CTNNA1: variants seen among roughly 807,000 people sequenced by gnomAD.
CTNNA1 encodes the protein catenin alpha-1.
CTNNA1 carries 37 observed loss-of-function variants against 98.4 expected under a neutral mutation model. That is an observed-to-expected ratio of 0.38 (90% confidence interval 0.29 to 0.49). The LOEUF is 0.49. Among genes scored for constraint, CTNNA1 ranks in the 20% least tolerant of loss-of-function variants. The probability of loss-of-function intolerance (pLI) is 0.95; values close to 1 mark genes in which losing one functional copy is unlikely to be tolerated. For synonymous variants in CTNNA1, 404 were observed against 413.2 expected (o/e 0.98, Z 0.27); for missense variants, 761 against 1,147.2 (o/e 0.66, Z 4.86).
chr5:138,886,640 T>A (rs1322353298), intron 8 of CTNNA1, among the ~76,000 whole-genome samples: 1 of 152,144 alleles, frequency 6.6e-6, no homozygotes, highest in African/African-American at 2.4e-5. Flanking sequence ...AAATTTCAGT[T>A]GTTTATCTGA....
chr5:138,788,770 T>C (rs551612889), intron 3 of CTNNA1, among the ~76,000 whole-genome samples: 1 of 152,132 alleles, frequency 6.6e-6, no homozygotes, highest in Non-Finnish European at 1.5e-5. Flanking sequence ...AGGAGAGATA[T>C]TATGAACAGA....
rs1220906341 is a variant in CTNNA1, at chr5:138,934,533, C to T, written c.*444C>T. 1.9e-5 allele frequency: 3 copies of T among 161,810 alleles called. No individual in the cohort carries two copies. The highest frequency in any genetic ancestry group is 4.0e-5 in the Non-Finnish European group (3 of 74,420). 10.0% of individuals were successfully genotyped at this position (161,810 alleles called of 1,614,324 possible). A position where few individuals can be genotyped will look rare whatever the true frequency, so the allele number is the denominator to read the frequency against. On this transcript the variant is annotated 3_prime_UTR_variant, in exon 18 of 18. Coordinates refer to ENST00000302763, the MANE Select transcript of CTNNA1 (RefSeq NM_001903.5). ...TAAGCAACCTGGGCATCTTAGGAAG[C>T]AGTCCCTGGAGAAGGCATGTTCCCA...
At chr5:138,909,639 C>G (rs1194396226) in intron 10 of CTNNA1, among the ~76,000 whole-genome samples, 1 of 152,158 alleles carries the variant, frequency 6.6e-6, no homozygotes, top group Non-Finnish European at 1.5e-5. Flanking sequence ...TGTCCCAGGT[C>G]TCTTTTTTCT....
intron 7 of CTNNA1, among the ~76,000 whole-genome samples, chr5:138,858,095 T>C (rs577492548): frequency 1.3e-3 from 203 of 151,938 alleles, no homozygotes; most frequent in African/African-American, 4.6e-3. Flanking sequence ...CTAAACACTG[T>C]CCCATATGTG....
At chr5:138,843,097 A>G (rs142200453) in intron 7 of CTNNA1, among the ~76,000 whole-genome samples, 1 of 152,352 alleles carries the variant, frequency 6.6e-6, no homozygotes, top group Non-Finnish European at 1.5e-5. Context: ...TTGAACAGAT[A>G]TGAAAGTTGG....
intron 11 of CTNNA1, among the ~76,000 whole-genome samples, chr5:138,923,504 C>T (rs999356339): frequency 2.0e-5 from 3 of 152,072 alleles, no homozygotes; most frequent in African/African-American, 7.2e-5. Flanking sequence ...CTGGCCTTCC[C>T]TGGAAAGGTG....
chr5:138,922,357 AG>A (rs1763088881), intron 11 of CTNNA1, among the ~76,000 whole-genome samples: 1 of 152,224 alleles, frequency 6.6e-6, no homozygotes, highest in Non-Finnish European at 1.5e-5. Context: ...TCTATTCAGT[AG>A]GGTACTATGC....
At chr5:138,929,185 G>A (rs777938462) in intron 13 of CTNNA1, 61 bp from the exon 14 acceptor site, 6 of 897,364 alleles carry the variant, frequency 6.7e-6, no homozygotes, top group East Asian at 2.4e-5. Context: ...AGAGGCTCAG[G>A]GTGGCTGGGG....
chr5:138,827,432 A>G (rs1760834575), intron 6 of CTNNA1, 83 bp from the exon 7 acceptor site: 2 of 1,463,566 alleles, frequency 1.4e-6, no homozygotes, highest in Admixed American at 3.6e-5. Context: ...TTAAATCTTG[A>G]TATTACTAAT....
chr5:138,844,810 G>C (rs933257187), intron 7 of CTNNA1, among the ~76,000 whole-genome samples: 35 of 152,124 alleles, frequency 2.3e-4, no homozygotes, highest in Non-Finnish European at 2.9e-5. Flanking sequence ...GAAAAGATTG[G>C]CATTCATTGG....
At chr5:138,764,493 C>T (rs1368896966) in intron 1 of CTNNA1, among the ~76,000 whole-genome samples, 1 of 151,086 alleles carries the variant, frequency 6.6e-6, no homozygotes, top group Non-Finnish European at 1.5e-5. Context: ...TAATTTGAGA[C>T]GGAGTTTTGC....
chr5:138,905,720 G>T (rs1759095896), intron 10 of CTNNA1, among the ~76,000 whole-genome samples: 1 of 152,212 alleles, frequency 6.6e-6, no homozygotes, highest in Non-Finnish European at 1.5e-5. Flanking sequence ...TGTGTTGCCT[G>T]CCTCCTGTGA....
At chr5:138,762,119 T>C (rs551716167) in intron 1 of CTNNA1, 1 of 152,338 alleles carries the variant, frequency 6.6e-6, no homozygotes, top group Admixed American at 6.5e-5. Flanking sequence ...TTAAGTCTTA[T>C]TAGCAGCTTC....
intron 3 of CTNNA1, among the ~76,000 whole-genome samples, chr5:138,800,957 G>C (rs1009697923): frequency 1.3e-5 from 2 of 152,162 alleles, no homozygotes; most frequent in African/African-American, 2.4e-5. Context: ...AGCATCACTA[G>C]TGGCACTTTG....
chr5:138,859,259 C>A (rs1764042456), intron 7 of CTNNA1, among the ~76,000 whole-genome samples: 1 of 152,142 alleles, frequency 6.6e-6, no homozygotes, highest in South Asian at 2.1e-4. Context: ...GGAATGCTTC[C>A]CTTGAAACCT....
intron 6 of CTNNA1, among the ~76,000 whole-genome samples, chr5:138,825,485 T>TTTTTTTTTTTTG (rs1554085146): frequency 7.4e-5 from 8 of 107,934 alleles, no homozygotes; most frequent in Admixed American, 5.2e-4. Context: ...AGTATAAGTT[T>TTTTTTTTTTTTG]TTTTTTTTTT....
chr5:138,860,122 T>C (rs1764127236), intron 7 of CTNNA1, among the ~76,000 whole-genome samples: 1 of 152,196 alleles, frequency 6.6e-6, no homozygotes, highest in South Asian at 2.1e-4. Context: ...CCTCTGATAC[T>C]GAAATAATTG....
intron 7 of CTNNA1, among the ~76,000 whole-genome samples, chr5:138,884,916 A>C (rs1753700754): frequency 6.6e-6 from 1 of 152,176 alleles, no homozygotes; most frequent in Non-Finnish European, 1.5e-5. Context: ...ATCAGTATTA[A>C]TGGAATATTT....
At chr5:138,833,029 A>G (rs1486803734) in intron 7 of CTNNA1, among the ~76,000 whole-genome samples, 1 of 152,140 alleles carries the variant, frequency 6.6e-6, no homozygotes, top group East Asian at 1.9e-4. Context: ...TGTTTTTCCA[A>G]TAGTAGAATT....
Sources: gnomAD v4.1 joint callset for allele counts (sites outside exome capture counted in the v4.1 genomes callset) on GRCh38, gnomAD v4.1.1 for gene constraint, MANE v1.5 for transcripts, NCBI Gene and HGNC (gene_info 2026-07-23, HGNC 2026-07-21) for gene names.